PTPN14: variants seen among roughly 807,000 people sequenced by gnomAD.
PTPN14 encodes protein tyrosine phosphatase non-receptor type 14.
A neutral mutation model predicts 126.8 loss-of-function variants in PTPN14; 53 were observed. That is an observed-to-expected ratio of 0.42 (90% confidence interval 0.34 to 0.53). The LOEUF (loss-of-function observed/expected upper bound fraction) is 0.53, where lower values mean the gene tolerates loss of function less well. Ranked by LOEUF, PTPN14 falls within the 20% of genes least tolerant of loss-of-function variation. PTPN14 has a pLI of 0.08. For missense variants in PTPN14, 1,257 were observed against 1,552.9 expected (o/e 0.81, Z 3.20); for synonymous variants, 630 against 599.3 (o/e 1.05, Z -0.75).
intron 1 of PTPN14, among the ~76,000 whole-genome samples, chr1:214,524,675 G>A (rs1019114216): frequency 1.3e-5 from 2 of 152,006 alleles, no homozygotes; most frequent in African/African-American, 4.8e-5. Flanking sequence ...GGGAGGGGGC[G>A]AGTGGAGAAG....
chr1:214,481,283 G>A (rs1660979118), intron 1 of PTPN14, among the ~76,000 whole-genome samples: 1 of 152,054 alleles, frequency 6.6e-6, no homozygotes, highest in Non-Finnish European at 1.5e-5. Context: ...AAGGTGGGCA[G>A]ATCATCTGAG....
chr1:214,523,401 C>T (rs961447332), intron 1 of PTPN14, among the ~76,000 whole-genome samples: 4 of 152,114 alleles, frequency 2.6e-5, no homozygotes, highest in African/African-American at 9.7e-5. Flanking sequence ...TTTTACTGTG[C>T]TCTATGTTTC....
chr1:214,427,209 T>TG lies in PTPN14; in HGVS notation c.345-12484dup, dbSNP rs1365144016. Among the ~76,000 whole-genome samples the TG allele has an allele frequency of 2.1e-5, 3 of 142,354 alleles. No homozygotes were observed. The East Asian group carries it at 6.1e-4, about 29-fold the overall frequency. 93.4% of individuals were successfully genotyped at this position (142,354 alleles called of 152,430 possible). ...AGGAGAATCACTTGAACCAGGGAGT[T>TG]GGAGTTTGCAGTGAGCCGAGATCGT... is the stretch of plus-strand genomic sequence containing the variant. On this transcript the variant is annotated intron_variant, in intron 3 of 18. Coordinates refer to ENST00000366956, the MANE Select transcript of PTPN14 (RefSeq NM_005401.5).
chr1:214,493,615 C>T (rs914422540), intron 1 of PTPN14, among the ~76,000 whole-genome samples: 6 of 151,982 alleles, frequency 3.9e-5, no homozygotes, highest in African/African-American at 7.3e-5. Context: ...GGAGAGATGG[C>T]GAGAGAGCAA....
chr1:214,381,939 C>G (rs1658481876), intron 13 of PTPN14, among the ~76,000 whole-genome samples: 1 of 152,142 alleles, frequency 6.6e-6, no homozygotes, highest in Non-Finnish European at 1.5e-5. Flanking sequence ...GGGTCTTGCT[C>G]TGTCATCCAG....
At chr1:214,448,869 G>A (rs1660207605) in intron 3 of PTPN14, among the ~76,000 whole-genome samples, 1 of 152,094 alleles carries the variant, frequency 6.6e-6, no homozygotes, top group South Asian at 2.1e-4. Flanking sequence ...GAGCCAAATA[G>A]TCAAAGTTCT....
At position 214,379,161 on chromosome 1, in the gene PTPN14, T is replaced by C. The variant is rs530022354; in HGVS notation, c.2545-1059A>G. 3.3e-5 allele frequency among the ~76,000 whole-genome samples: 5 copies of C among 152,340 alleles called. No homozygotes were observed. In the South Asian group the frequency reaches 1.0e-3, roughly 32 times the overall value. On this transcript the variant is annotated intron_variant, in intron 13 of 18. Coordinates refer to ENST00000366956, the MANE Select transcript of PTPN14 (RefSeq NM_005401.5). ...ATTCCTCATAGAAGCAGATGAGTTT[T>C]GCAGGGTTTAGGATTTTGATTCACA...
At chr1:214,510,365 G>T (rs1329422489) in intron 1 of PTPN14, among the ~76,000 whole-genome samples, 1 of 152,162 alleles carries the variant, frequency 6.6e-6, no homozygotes, top group African/African-American at 2.4e-5. Context: ...GTAAGCACGT[G>T]CCGTTGGAAA....
intron 12 of PTPN14, among the ~76,000 whole-genome samples, chr1:214,386,222 A>C (rs184766914): frequency 1.6e-4 from 25 of 152,366 alleles, no homozygotes; most frequent in African/African-American, 5.8e-4. Flanking sequence ...TATAGCAAGT[A>C]CTTACAGCAA....
intron 1 of PTPN14, among the ~76,000 whole-genome samples, chr1:214,493,056 G>C (rs1661285754): frequency 6.6e-6 from 1 of 152,150 alleles, no homozygotes; most frequent in Admixed American, 6.5e-5. Context: ...TCAGAGGGGG[G>C]ATGATCATTC....
At chr1:214,402,862 C>T in intron 6 of PTPN14, 21 bp downstream of exon 6, 1 of 1,612,534 alleles carries the variant, frequency 6.2e-7, no homozygotes, top group Non-Finnish European at 8.5e-7. Context: ...CAGGCAGCCC[C>T]TTACCCTCTG....
chr1:214,452,825 T>C (rs1036304725), intron 2 of PTPN14, among the ~76,000 whole-genome samples: 10 of 152,224 alleles, frequency 6.6e-5, no homozygotes, highest in Non-Finnish European at 1.5e-5. Context: ...TCACTGCTTT[T>C]GAAGATTCTT....
chr1:214,449,168 G>A (rs1157770194), intron 3 of PTPN14, among the ~76,000 whole-genome samples: 2 of 151,112 alleles, frequency 1.3e-5, no homozygotes, highest in African/African-American at 2.4e-5. Context: ...CACCACGCCC[G>A]GCTAATTTTT....
At chr1:214,366,909 G>A (rs549140034) in intron 17 of PTPN14, among the ~76,000 whole-genome samples, 3 of 151,176 alleles carry the variant, frequency 2.0e-5, no homozygotes, top group African/African-American at 7.3e-5. Flanking sequence ...GCGTGAACTC[G>A]GGAGGCGGAG....
intron 1 of PTPN14, among the ~76,000 whole-genome samples, chr1:214,499,163 G>A (rs1180928335): frequency 6.6e-6 from 1 of 152,106 alleles, no homozygotes; most frequent in South Asian, 2.1e-4. Context: ...ACTCATACTT[G>A]TGTGAGAAAA....
At chr1:214,395,148 C>T (rs1189862230) in intron 8 of PTPN14, among the ~76,000 whole-genome samples, 162 bp from the exon 9 acceptor site, 4 of 152,216 alleles carry the variant, frequency 2.6e-5, no homozygotes, top group Non-Finnish European at 4.4e-5. Flanking sequence ...AAATGCAACA[C>T]ATATCCATTC....
chr1:214,372,042 A>G (rs1658230055), intron 16 of PTPN14, among the ~76,000 whole-genome samples: 1 of 152,234 alleles, frequency 6.6e-6, no homozygotes. Context: ...AGAAATTTTG[A>G]GAATGTGACA....
At chr1:214,519,560 C>A (rs1315894982) in intron 1 of PTPN14, among the ~76,000 whole-genome samples, 1 of 152,192 alleles carries the variant, frequency 6.6e-6, no homozygotes, top group Non-Finnish European at 1.5e-5. Context: ...ATTTGTATAG[C>A]AGGCTAACAC....
Position 214,480,301 on chromosome 1 carries a change from A to T in PTPN14, c.-154-15344T>A, listed in dbSNP as rs184980256. On this transcript the variant is annotated intron_variant, in intron 1 of 18. Transcript: ENST00000366956. Reference sequence around the variant, plus strand: ...TGATTTCCATTTCTTCACTTATAAGATGACTGAAACAATATGTTTTCTTAA... The same window carrying T: ...TGATTTCCATTTCTTCACTTATAAGTTGACTGAAACAATATGTTTTCTTAA... Among the ~76,000 whole-genome samples the T allele has an allele frequency of 1.5e-3, 230 of 152,374 alleles. 1 individual carries two copies. The highest frequency in any genetic ancestry group is 5.3e-3 in the African/African-American group (222 of 41,586).
Sources: gnomAD v4.1 joint callset for allele counts (sites outside exome capture counted in the v4.1 genomes callset) on GRCh38, gnomAD v4.1.1 for gene constraint, MANE v1.5 for transcripts, NCBI Gene and HGNC (gene_info 2026-07-23, HGNC 2026-07-21) for gene names.